Variants in PDE8B observed in about 807,000 individuals in gnomAD.
PDE8B encodes phosphodiesterase 8B, also known as high affinity cAMP-specific and IBMX-insensitive 3',5'-cyclic phosphodiesterase 8B.
PDE8B carries 26 observed loss-of-function variants against 101.3 expected under a neutral mutation model. The ratio of observed to expected loss-of-function variants is 0.26; its 90% CI spans 0.19 to 0.36. The LOEUF (loss-of-function observed/expected upper bound fraction) is 0.36, where lower values mean the gene tolerates loss of function less well. PDE8B is among the 10% of genes least tolerant of loss of function. The pLI, the probability that PDE8B is intolerant of heterozygous loss-of-function variation, is 1.00. For missense variants in PDE8B, 810 were observed against 1,163.1 expected (o/e 0.70, Z 4.42); for synonymous variants, 424 against 429.3 (o/e 0.99, Z 0.15).
At position 77,427,339 on chromosome 5, in the gene PDE8B, G is replaced by C. The variant is rs1798322916; in HGVS notation, c.*785G>C. The stretch of plus-strand genomic sequence containing the variant: ...TTCTGGCTCACAGAGGCAGCCACGA[G>C]GCACTACACCAAGTATTATATAAAA... On this transcript the variant is annotated 3_prime_UTR_variant, in exon 22 of 22. Transcript: ENST00000264917. 1.3e-5 allele frequency: 2 copies of C among 151,440 alleles called. No individual in the cohort carries two copies. The highest frequency in any genetic ancestry group is 4.9e-5 in the African/African-American group (2 of 40,962). The allele number at this position is 151,440 out of a possible 1,614,324, so 9.4% of individuals were successfully genotyped here.
At chr5:77,215,780 G>A (rs1004799516) in intron 1 of PDE8B, among the ~76,000 whole-genome samples, 6 of 152,178 alleles carry the variant, frequency 3.9e-5, no homozygotes, top group East Asian at 1.9e-4. Context: ...AGTGAGCCCC[G>A]TGGAACCAGG....
rs115698224 is a variant in PDE8B, at chr5:77,278,145, C to T, written c.340-33849C>T. ...TTTCCTTATTGTAATGACAGCTGGC[C>T]GAGTTCACGTTCAAGTTTACCTCCA... On this transcript the variant is annotated intron_variant, in intron 1 of 21. Coordinates refer to ENST00000264917, the MANE Select transcript of PDE8B (RefSeq NM_003719.5). 4.4e-3 allele frequency among the ~76,000 whole-genome samples: 667 copies of T among 152,176 alleles called. 4 individuals carry two copies. Among genetic ancestry groups the T allele is most frequent in the African/African-American group, 0.015 (619 of 41,528 alleles).
chr5:77,230,348 A>G (rs1402446680), intron 1 of PDE8B, among the ~76,000 whole-genome samples: 1 of 152,250 alleles, frequency 6.6e-6, no homozygotes, highest in Admixed American at 6.5e-5. Context: ...AAGCCAAAGT[A>G]CAGGCACCAC....
At chr5:77,340,151 A>G (rs1398343729) in intron 6 of PDE8B, among the ~76,000 whole-genome samples, 1 of 152,226 alleles carries the variant, frequency 6.6e-6, no homozygotes, top group African/African-American at 2.4e-5. Flanking sequence ...CTAATGCAGT[A>G]CCAGCTATTG....
chr5:77,290,497 T>C, intron 1 of PDE8B: 2 of 1,467,792 alleles, frequency 1.4e-6, no homozygotes, highest in Non-Finnish European at 1.9e-6. Flanking sequence ...TGGGCAGATA[T>C]TCCTGCTCCA....
chr5:77,378,041 CACACA>C (rs1786581548), intron 10 of PDE8B, among the ~76,000 whole-genome samples: 1 of 136,742 alleles, frequency 7.3e-6, no homozygotes, highest in Non-Finnish European at 1.6e-5. Flanking sequence ...CACACACACA[CACACA>C]CACCCCCTGT....
intron 6 of PDE8B, among the ~76,000 whole-genome samples, chr5:77,344,217 A>C (rs1042678764): frequency 6.6e-6 from 1 of 152,248 alleles, no homozygotes; most frequent in Non-Finnish European, 1.5e-5. Context: ...TATACTGTAC[A>C]TCATTACTGT....
chr5:77,362,622 A>G (rs1304086023), intron 10 of PDE8B, among the ~76,000 whole-genome samples: 3 of 152,224 alleles, frequency 2.0e-5, no homozygotes, highest in Non-Finnish European at 4.4e-5. Context: ...TGAAGGGCTC[A>G]GTGGTGGTTC....
the PDE8B span, among the ~76,000 whole-genome samples, chr5:77,179,194 A>C: frequency 6.6e-6 from 1 of 152,258 alleles, no homozygotes; most frequent in Non-Finnish European, 1.5e-5. Context: ...TTCATACTGC[A>C]TTCATGCCTT....
At chr5:77,283,388 A>C (rs1274423663) in intron 1 of PDE8B, among the ~76,000 whole-genome samples, 1 of 152,166 alleles carries the variant, frequency 6.6e-6, no homozygotes, top group Non-Finnish European at 1.5e-5. Flanking sequence ...TTCACTCTTG[A>C]TGTTGTACCT....
At chr5:77,409,275 C>T (rs1794087405) in intron 14 of PDE8B, among the ~76,000 whole-genome samples, 1 of 152,164 alleles carries the variant, frequency 6.6e-6, no homozygotes, top group African/African-American at 2.4e-5. Context: ...CCTACCATAG[C>T]CATGGGGACA....
the PDE8B span, among the ~76,000 whole-genome samples, chr5:77,195,003 G>A: frequency 4.6e-5 from 7 of 152,162 alleles, no homozygotes; most frequent in African/African-American, 1.7e-4. Flanking sequence ...TACCTTTTAG[G>A]AACTGCCAAA....
chr5:77,328,993 T>G lies in PDE8B; in HGVS notation c.591-5T>G. 1 of 1,613,760 alleles carries G rather than the reference T, an allele frequency of 6.2e-7. No individual in the cohort carries two copies. Among genetic ancestry groups the G allele is most frequent in the Non-Finnish European group, 8.5e-7 (1 of 1,179,662 alleles). The stretch of plus-strand genomic sequence containing the variant: ...CTTGTTTGACTTGGAGCCTTCTCAT[T>G]GCAGGTCGATCCGGGCCACAAATCC... On this transcript the variant is annotated splice_region_variant and splice_polypyrimidine_tract_variant and intron_variant, in intron 3 of 21. Transcript: ENST00000264917.
At position 77,407,390 on chromosome 5, in the gene PDE8B, T is replaced by C. The variant is rs1793693535; in HGVS notation, c.1298T>C (p.Leu433Pro). 2.5e-6 allele frequency: 4 copies of C among 1,614,016 alleles called. No homozygotes were observed. The change falls in exon 13 of 22, where the codon CTG (leucine) becomes CCG (proline). Residue 433 changes from leucine to proline, a missense_variant. By Grantham distance (98) the Leu-to-Pro change is moderately conservative. This residue lies in a region of PDE8B where 75 missense variants were observed against 76.9 expected (regional missense o/e 0.98). Transcript: ENST00000264917. ...CTTGCCTTCTCTCCAGCACCAAGCCTGCAGAATCGTCGCTATCCGTCCATG... is the reference window on the plus strand; with the variant it reads ...CTTGCCTTCTCTCCAGCACCAAGCCCGCAGAATCGTCGCTATCCGTCCATG... ...ISSRGSDAPS[L>P]QNRRYPSMAR... is the part of the protein sequence containing the mutation.
At chr5:77,176,314 G>A in the PDE8B span, among the ~76,000 whole-genome samples, 43 of 152,292 alleles carry the variant, frequency 2.8e-4, no homozygotes, top group Admixed American at 2.6e-4. Context: ...CCCTTCCCAG[G>A]GAAGCAGTGT....
At chr5:77,149,257 A>G in the PDE8B span, among the ~76,000 whole-genome samples, 16 of 152,202 alleles carry the variant, frequency 1.1e-4, no homozygotes, top group Non-Finnish European at 1.3e-4. Context: ...TCAATATCAC[A>G]GTGTATTCAT....
intron 1 of PDE8B, among the ~76,000 whole-genome samples, chr5:77,243,247 T>G (rs1483572708): frequency 3.3e-5 from 5 of 152,150 alleles, no homozygotes; most frequent in East Asian, 1.9e-4. Context: ...TGTAATACCT[T>G]TAGACAGAGC....
chr5:77,331,652 T>C (rs942724282), intron 5 of PDE8B, among the ~76,000 whole-genome samples, 193 bp downstream of exon 5: 2 of 152,160 alleles, frequency 1.3e-5, no homozygotes, highest in Non-Finnish European at 2.9e-5. Context: ...GCGTTTTTGC[T>C]CTCTGGGTTA....
At chr5:77,125,819 G>T in the PDE8B span, among the ~76,000 whole-genome samples, 1 of 152,160 alleles carries the variant, frequency 6.6e-6, no homozygotes, top group African/African-American at 2.4e-5. Flanking sequence ...AGATTGGGAA[G>T]TTATTGTTTA....
Sources: gnomAD v4.1 joint callset for allele counts (sites outside exome capture counted in the v4.1 genomes callset) on GRCh38, gnomAD v4.1.1 for gene constraint, gnomAD v4.1.1 regional missense constraint, MANE v1.5 for transcripts, NCBI Gene and HGNC (gene_info 2026-07-23, HGNC 2026-07-21) for gene names.